SLC26A9: variants seen among roughly 807,000 people sequenced by gnomAD.
The protein encoded by SLC26A9 is anion transporter/exchanger protein 9.
SLC26A9 carries 46 observed loss-of-function variants against 87.1 expected under a neutral mutation model. The ratio of observed to expected loss-of-function variants is 0.53; its 90% CI spans 0.42 to 0.67. The LOEUF (loss-of-function observed/expected upper bound fraction) is 0.67. SLC26A9 is among the 30% of genes least tolerant of loss of function. The probability of loss-of-function intolerance (pLI) is 0.00; values close to 1 mark genes in which losing one functional copy is unlikely to be tolerated. For missense variants in SLC26A9, 927 were observed against 1,018.3 expected, an observed-to-expected ratio of 0.91 and a Z score of 1.22; for synonymous variants, 437 against 409.1, an observed-to-expected ratio of 1.07 and a Z score of -0.82.
chr1:205,931,760 C>T, intron 5 of SLC26A9, 100 bp downstream of exon 5: 1 of 1,463,014 alleles, frequency 6.8e-7, no homozygotes, highest in Non-Finnish European at 9.1e-7. Flanking sequence ...AGCCTCCACA[C>T]CCAGCCCCCT....
At chr1:205,922,343 T>A (rs891560585) in intron 16 of SLC26A9, among the ~76,000 whole-genome samples, 1 of 152,190 alleles carries the variant, frequency 6.6e-6, no homozygotes, top group African/African-American at 2.4e-5. Context: ...TTCGCCACGT[T>A]GGGCAGGCTG....
chr1:205,941,858 G>A (rs144954793), intron 1 of SLC26A9, among the ~76,000 whole-genome samples: 37 of 152,288 alleles, frequency 2.4e-4, no homozygotes, highest in African/African-American at 8.4e-4. Flanking sequence ...AAGGAGACTG[G>A]GGTTGCTTTC....
intron 12 of SLC26A9, chr1:205,924,734 A>T: frequency 2.1e-6 from 1 of 469,710 alleles, no homozygotes; most frequent in East Asian, 3.7e-5. Context: ...GCCCCAGCAC[A>T]CAGGGAGGTG....
rs1658518603 is a variant in SLC26A9 at position 205,915,022 on chromosome 1, A to T, written c.*335T>A. On this transcript the variant is annotated 3_prime_UTR_variant, in exon 21 of 21. Coordinates refer to ENST00000367135, the MANE Select transcript of SLC26A9 (RefSeq NM_052934.4). ...TTTTTGGCTCACTCGTAAAAGCTGG[A>T]AGTCAAGGTGTCCTTCAGCTGCCAA... 6.2e-7 allele frequency: 1 copy of T among 1,614,026 alleles called. No homozygotes were observed. Among genetic ancestry groups the T allele is most frequent in the South Asian group, 1.1e-5 (1 of 91,088 alleles).
chr1:205,920,373 A>G, intron 17 of SLC26A9, 143 bp from the exon 18 acceptor site: 1 of 850,080 alleles, frequency 1.2e-6, no homozygotes, highest in Non-Finnish European at 1.9e-6. Flanking sequence ...CAAAAATAGC[A>G]GCAAAGCACA....
At chr1:205,939,216 T>C (rs896860833) in intron 1 of SLC26A9, among the ~76,000 whole-genome samples, 1 of 152,232 alleles carries the variant, frequency 6.6e-6, no homozygotes, top group African/African-American at 2.4e-5. Flanking sequence ...TTGTCTCATT[T>C]TGCAGATAAA....
Position 205,923,435 on chromosome 1 carries a change from AG to A in SLC26A9, c.1567-9del. The A allele has an allele frequency of 6.2e-7, 1 of 1,614,184 alleles. No homozygotes were observed. Among genetic ancestry groups the A allele is most frequent in the African/African-American group, 1.3e-5 (1 of 75,038 alleles). On this transcript the variant is annotated splice_polypyrimidine_tract_variant and intron_variant, in intron 14 of 20. Coordinates refer to ENST00000367135, the MANE Select transcript of SLC26A9 (RefSeq NM_052934.4). ...CCCCTGGATATCCTGGGCCTGTGAC[AG>A]GGAGACTGAGCTCAAGTTGCAGAAA...
chr1:205,928,815 A>G lies in SLC26A9; in HGVS notation c.953+12T>C, dbSNP rs1233111083. 6.2e-7 allele frequency: 1 copy of G among 1,613,886 alleles called. No individual in the cohort carries two copies. ...TGCGGGTGGGCCAGGCTTCTGGGCCACCTGGACTCACCCGCGTTGGATTTC... is the reference window on the plus strand; with the variant it reads ...TGCGGGTGGGCCAGGCTTCTGGGCCGCCTGGACTCACCCGCGTTGGATTTC... On this transcript the variant is annotated intron_variant, in intron 8 of 20. Transcript: ENST00000367135.
intron 2 of SLC26A9, among the ~76,000 whole-genome samples, chr1:205,934,460 C>G (rs1659428985): frequency 6.6e-6 from 1 of 152,192 alleles, no homozygotes; most frequent in Non-Finnish European, 1.5e-5. Context: ...AGGGCTAGTC[C>G]ATGCCCAACC....
intron 17 of SLC26A9, among the ~76,000 whole-genome samples, chr1:205,920,570 G>A (rs1658786155): frequency 6.6e-6 from 1 of 152,044 alleles, no homozygotes; most frequent in African/African-American, 2.4e-5. Flanking sequence ...GCGTGATCTT[G>A]GCTCGCTGCA....
chr1:205,934,184 C>A (rs1448965688), intron 2 of SLC26A9, among the ~76,000 whole-genome samples: 2 of 152,182 alleles, frequency 1.3e-5, no homozygotes, highest in Non-Finnish European at 2.9e-5. Context: ...AAAGTCTGGG[C>A]AGATTTTCTC....
rs1659483128 is a variant in SLC26A9 at position 205,935,723 on chromosome 1, A to G, written c.98T>C (p.Val33Ala). 3 of 1,614,060 alleles carry G rather than the reference A, an allele frequency of 1.9e-6. No homozygotes were observed. The change falls in exon 2 of 21, where the codon GTG becomes GCG. Residue 33 changes from valine (V) to alanine (A), a missense_variant. Coordinates refer to ENST00000367135, the MANE Select transcript of SLC26A9 (RefSeq NM_052934.4). ...EFEKKDRTYP[V>A]GEKLRNAFRC... ...GAAGGCATTGCGAAGTTTCTCTCCCACTGGGTATGTCCGGTCCTTCTTCTC... is the reference window on the plus strand; with the variant it reads ...GAAGGCATTGCGAAGTTTCTCTCCCGCTGGGTATGTCCGGTCCTTCTTCTC...
chr1:205,931,025 A>G (rs999247264), intron 5 of SLC26A9, among the ~76,000 whole-genome samples: 2 of 152,158 alleles, frequency 1.3e-5, no homozygotes, highest in African/African-American at 4.8e-5. Context: ...CCCAGGGTTT[A>G]GCCTAGTTCT....
At chr1:205,937,222 C>G (rs1193078166) in intron 1 of SLC26A9, among the ~76,000 whole-genome samples, 1 of 121,596 alleles carries the variant, frequency 8.2e-6, no homozygotes, top group Non-Finnish European at 1.9e-5. Flanking sequence ...GGATGCCCGG[C>G]AAGACCCCAC....
intron 4 of SLC26A9, 48 bp from the exon 5 acceptor site, chr1:205,932,083 C>G: frequency 6.2e-7 from 1 of 1,600,578 alleles, no homozygotes; most frequent in South Asian, 1.1e-5. Flanking sequence ...TGAACCACAC[C>G]GATGGAAACC....
rs200350147 is a variant in SLC26A9 at position 205,927,194 on chromosome 1, G to A, written c.1293+17C>T. The A allele has an allele frequency of 2.0e-5, 32 of 1,613,800 alleles. No individual in the cohort carries two copies. Among genetic ancestry groups the A allele is most frequent in the Middle Eastern group, 1.7e-4 (1 of 6,050 alleles). On this transcript the variant is annotated intron_variant, in intron 11 of 20. Transcript: ENST00000367135. ...TGGAGTCTTTCGTTGACTTCTGCTC[G>A]ATGGCTGGGCTCTTACCTTAGGGAG...
chr1:205,932,067 G>A (rs1659330892), intron 4 of SLC26A9, 32 bp from the exon 5 acceptor site: 2 of 1,611,876 alleles, frequency 1.2e-6, no homozygotes, highest in Non-Finnish European at 8.5e-7. Context: ...GCAAAAATCA[G>A]AGGTTTGAAC....
At position 205,930,058 on chromosome 1, in the gene SLC26A9, T is replaced by C. The variant is rs780083561; in HGVS notation, c.553-2A>G. The C allele has an allele frequency of 6.3e-7, 1 of 1,591,654 alleles. No individual in the cohort carries two copies. Among genetic ancestry groups the C allele is most frequent in the Non-Finnish European group, 8.6e-7 (1 of 1,162,090 alleles). On this transcript the variant is annotated splice_acceptor_variant, in intron 5 of 20. Transcript: ENST00000367135. LOFTEE classifies it high-confidence loss of function. ...AAACTGCATGAAGCCCAGACCCATC[T>C]GAGAGGAGGAAAAGGGTGGTTGGTG...
At chr1:205,939,182 A>T (rs1247388867) in intron 1 of SLC26A9, among the ~76,000 whole-genome samples, 4 of 152,198 alleles carry the variant, frequency 2.6e-5, no homozygotes, top group Non-Finnish European at 5.9e-5. Context: ...TGTAGAAGAG[A>T]ACTTGAGGAC....
Sources: gnomAD v4.1 joint callset for allele counts (sites outside exome capture counted in the v4.1 genomes callset) on GRCh38, gnomAD v4.1.1 for gene constraint, MANE v1.5 for transcripts, NCBI Gene and HGNC (gene_info 2026-07-23, HGNC 2026-07-21) for gene names.